The following LINGO2 variants were observed in gnomAD, a reference collection of about 807,000 sequenced individuals.
The protein encoded by LINGO2 is leucine rich repeat and Ig domain containing 2.
LINGO2 carries 14 observed loss-of-function variants against 30.6 expected under a neutral mutation model. The ratio of observed to expected loss-of-function variants is 0.46; its 90% CI spans 0.30 to 0.72. The LOEUF (loss-of-function observed/expected upper bound fraction) is 0.72, where lower values mean the gene tolerates loss of function less well. LINGO2 is among the 30% of genes least tolerant of loss of function. The probability of loss-of-function intolerance (pLI) is 0.07; values close to 1 mark genes in which losing one functional copy is unlikely to be tolerated. For synonymous variants in LINGO2, 317 were observed against 288.5 expected (o/e 1.10, Z -1.00); for missense variants, 729 against 751.7 (o/e 0.97, Z 0.35).
intron 4 of LINGO2, among the ~76,000 whole-genome samples, chr9:28,277,677 C>T (rs376263661): frequency 9.9e-4 from 150 of 151,888 alleles, no homozygotes; most frequent in African/African-American, 3.4e-3. Flanking sequence ...GGTGTGGTGG[C>T]AGGCACCTGT....
At chr9:28,094,528 TGAGAGAGA>T (rs748059897) in intron 4 of LINGO2, among the ~76,000 whole-genome samples, 2 of 150,312 alleles carry the variant, frequency 1.3e-5, no homozygotes, top group African/African-American at 4.9e-5. Context: ...TGTGTGTGTG[TGAGAGAGA>T]GAGAGAGAGA....
At chr9:28,417,102 A>T (rs1245198516) in intron 2 of LINGO2, among the ~76,000 whole-genome samples, 1 of 152,098 alleles carries the variant, frequency 6.6e-6, no homozygotes, top group African/African-American at 2.4e-5. Context: ...GATAAAAAAA[A>T]AGCTGATTCA....
chr9:28,393,371 C>T (rs1821911748), intron 2 of LINGO2, among the ~76,000 whole-genome samples: 1 of 152,150 alleles, frequency 6.6e-6, no homozygotes, highest in Admixed American at 6.5e-5. Context: ...TTACATTATT[C>T]CCATTTCATA....
At chr9:29,019,452 G>A in the LINGO2 span, among the ~76,000 whole-genome samples, 1 of 152,144 alleles carries the variant, frequency 6.6e-6, no homozygotes, top group Non-Finnish European at 1.5e-5. Flanking sequence ...CCCCCCATTT[G>A]TGCATGGTAG....
the LINGO2 span, among the ~76,000 whole-genome samples, chr9:28,932,225 T>C: frequency 1.3e-5 from 2 of 152,036 alleles, no homozygotes; most frequent in Non-Finnish European, 2.9e-5. Flanking sequence ...CTGCATCACA[T>C]TCCAGATATA....
Position 28,083,665 on chromosome 9 carries a change from C to T in LINGO2, c.-86-71260G>A, listed in dbSNP as rs143032871. 3.2e-3 allele frequency among the ~76,000 whole-genome samples: 488 copies of T among 152,188 alleles called. 3 individuals are homozygous for T. The highest frequency in any genetic ancestry group is 3.6e-3 in the Non-Finnish European group (246 of 68,002). On this transcript the variant is annotated intron_variant, in intron 4 of 5. Coordinates refer to ENST00000379992, the Ensembl canonical transcript of LINGO2. ...ATAATGCCTGGTACAGAGTAAGTAGCTAATCAAATTGGAGTGTCTTTCTTT... is the reference window on the plus strand; with the variant it reads ...ATAATGCCTGGTACAGAGTAAGTAGTTAATCAAATTGGAGTGTCTTTCTTT...
intron 4 of LINGO2, among the ~76,000 whole-genome samples, chr9:28,031,537 T>C (rs986354874): frequency 1.3e-5 from 2 of 152,212 alleles, no homozygotes; most frequent in African/African-American, 4.8e-5. Context: ...TTAGTAGGAA[T>C]CTAGGATCTG....
intron 4 of LINGO2, among the ~76,000 whole-genome samples, chr9:28,032,681 G>A: frequency 6.6e-6 from 1 of 152,200 alleles, no homozygotes; most frequent in East Asian, 1.9e-4. Context: ...GTTGGCGACA[G>A]ACCAGGAATC....
intron 5 of LINGO2, among the ~76,000 whole-genome samples, chr9:27,995,587 A>G (rs1445396542): frequency 1.3e-5 from 2 of 152,210 alleles, no homozygotes; most frequent in Non-Finnish European, 2.9e-5. Flanking sequence ...ACATTAGTAG[A>G]ATCAAGGACA....
chr9:28,400,438 G>A (rs2134740734), intron 2 of LINGO2, among the ~76,000 whole-genome samples: 1 of 152,252 alleles, frequency 6.6e-6, no homozygotes, highest in South Asian at 2.1e-4. Flanking sequence ...TTACATCACG[G>A]AAACCAGCAA....
chr9:28,075,312 T>C (rs1342779751), intron 4 of LINGO2, among the ~76,000 whole-genome samples: 2 of 152,078 alleles, frequency 1.3e-5, no homozygotes, highest in African/African-American at 4.8e-5. Context: ...CCTTTTATTG[T>C]TGTTTAGTAA....
At chr9:28,854,073 T>C in the LINGO2 span, among the ~76,000 whole-genome samples, 1 of 151,898 alleles carries the variant, frequency 6.6e-6, no homozygotes, top group Non-Finnish European at 1.5e-5. Flanking sequence ...CATTTTTGGG[T>C]GTCACAACTT....
the LINGO2 span, among the ~76,000 whole-genome samples, chr9:28,848,045 GTATATATATATATATATGTATATAATA>G: frequency 2.2e-4 from 4 of 17,814 alleles, no homozygotes; most frequent in South Asian, 7.9e-3. Context: ...ACTATATATA[GTATATATATATATATATGTATATAATA>G]TATATATACA....
At chr9:28,639,046 C>T (rs1476854655) in intron 1 of LINGO2, among the ~76,000 whole-genome samples, 1 of 152,070 alleles carries the variant, frequency 6.6e-6, no homozygotes, top group Non-Finnish European at 1.5e-5. Context: ...TTTCAAAGAA[C>T]ATCTTTATTT....
chr9:28,813,383 T>C, the LINGO2 span, among the ~76,000 whole-genome samples: 2 of 152,182 alleles, frequency 1.3e-5, no homozygotes, highest in Non-Finnish European at 2.9e-5. Flanking sequence ...AACAATATAC[T>C]GTAGTAAATT....
intron 1 of LINGO2, among the ~76,000 whole-genome samples, chr9:28,587,331 A>C (rs1824603859): frequency 6.6e-6 from 1 of 152,054 alleles, no homozygotes; most frequent in Non-Finnish European, 1.5e-5. Context: ...GAAAGGCATA[A>C]AAAACTTCAG....
the LINGO2 span, among the ~76,000 whole-genome samples, chr9:28,693,304 C>T: frequency 6.6e-6 from 1 of 152,028 alleles, no homozygotes; most frequent in East Asian, 1.9e-4. Context: ...TTTTCAGACA[C>T]CTAAAATTTG....
At chr9:29,010,018 C>A in the LINGO2 span, among the ~76,000 whole-genome samples, 1 of 152,094 alleles carries the variant, frequency 6.6e-6, no homozygotes, top group Non-Finnish European at 1.5e-5. Context: ...ACACCATATA[C>A]AAAAATCAAT....
At chr9:28,827,361 C>T in the LINGO2 span, among the ~76,000 whole-genome samples, 3 of 152,276 alleles carry the variant, frequency 2.0e-5, no homozygotes, top group African/African-American at 4.8e-5. Flanking sequence ...TGTAGTTGCA[C>T]ACAATAATTT....
Sources: gnomAD v4.1 joint callset for allele counts (sites outside exome capture counted in the v4.1 genomes callset) on GRCh38, gnomAD v4.1.1 for gene constraint, MANE v1.5 for transcripts, NCBI Gene and HGNC (gene_info 2026-07-23, HGNC 2026-07-21) for gene names.